The following DCAF6 variants were observed in gnomAD, a reference collection of about 807,000 sequenced individuals.
DCAF6 encodes the protein DDB1 and CUL4 associated factor 6.
In DCAF6, 54 loss-of-function variants were observed where a neutral mutation model predicts 125.1. That is an observed-to-expected ratio of 0.43 (90% confidence interval 0.35 to 0.54). The LOEUF is 0.54. Ranked by LOEUF, DCAF6 falls within the 20% of genes least tolerant of loss-of-function variation. DCAF6 has a pLI of 0.01. For missense variants in DCAF6, 934 were observed against 1,161.7 expected (o/e 0.80, Z 2.85); for synonymous variants, 371 against 390.4 (o/e 0.95, Z 0.58).
chr1:167,883,701 A>C, the DCAF6 span: 2 of 1,401,050 alleles, frequency 1.4e-6, no homozygotes, highest in Non-Finnish European at 2.0e-6. Flanking sequence ...CCCCCACCTC[A>C]TACCCGAAAT....
chr1:167,940,638 G>A (rs1423192773), intron 1 of DCAF6, among the ~76,000 whole-genome samples: 1 of 151,912 alleles, frequency 6.6e-6, no homozygotes, highest in East Asian at 1.9e-4. Context: ...TGATTTATTA[G>A]CCACACAGAT....
At chr1:167,955,910 T>G (rs1046920946) in intron 2 of DCAF6, among the ~76,000 whole-genome samples, 5 of 152,056 alleles carry the variant, frequency 3.3e-5, no homozygotes, top group African/African-American at 1.2e-4. Flanking sequence ...CATAGGTGCA[T>G]GCCACCACCC....
chr1:167,883,777 G>A, the DCAF6 span: 1 of 756,728 alleles, frequency 1.3e-6, no homozygotes, highest in Non-Finnish European at 2.3e-6. Context: ...TGCCTGAAGT[G>A]GAGCAGATGG....
In DCAF6 at chr1:168,004,514, C is replaced by T. The variant is rs1372961858; in HGVS notation, c.1118-19C>T. On this transcript the variant is annotated intron_variant, in intron 9 of 21. Transcript: ENST00000367840. ...GAAAATATTTAAAATTTGAATTTGC[C>T]TTAACATGTGTTTTGAAGGTGGAAC... 1 of 1,609,968 alleles carries T rather than the reference C, an allele frequency of 6.2e-7. No individual in the cohort carries two copies.
chr1:167,976,583 C>T (rs1485061446), intron 4 of DCAF6, among the ~76,000 whole-genome samples: 1 of 152,112 alleles, frequency 6.6e-6, no homozygotes, highest in Non-Finnish European at 1.5e-5. Flanking sequence ...TTTTGTTATT[C>T]TGGAGGTTAC....
the DCAF6 span, among the ~76,000 whole-genome samples, chr1:167,875,547 G>A: frequency 6.6e-6 from 1 of 152,170 alleles, no homozygotes; most frequent in African/African-American, 2.4e-5. Context: ...TCCACCAATT[G>A]CTCAAACAAT....
the DCAF6 span, chr1:167,904,783 C>T: frequency 1.5e-6 from 1 of 655,980 alleles, no homozygotes; most frequent in South Asian, 1.8e-5. Flanking sequence ...AAAGATATGC[C>T]TATGACTGGC....
At chr1:167,979,769 C>T (rs1678822807) in intron 4 of DCAF6, among the ~76,000 whole-genome samples, 1 of 152,168 alleles carries the variant, frequency 6.6e-6, no homozygotes, top group Non-Finnish European at 1.5e-5. Context: ...TGCCTGTAGT[C>T]CCAGCTACTC....
intron 12 of DCAF6, among the ~76,000 whole-genome samples, chr1:168,024,696 C>A (rs561077381): frequency 1.3e-5 from 2 of 151,350 alleles, no homozygotes; most frequent in South Asian, 4.2e-4. Flanking sequence ...CCTAGCTACT[C>A]AGGAGGCTGA....
At chr1:168,058,687 G>A (rs1691208774) in intron 17 of DCAF6, among the ~76,000 whole-genome samples, 1 of 152,174 alleles carries the variant, frequency 6.6e-6, no homozygotes, top group Non-Finnish European at 1.5e-5. Context: ...TCCTGCCTTA[G>A]CCTCCCAGGT....
intron 12 of DCAF6, among the ~76,000 whole-genome samples, chr1:168,031,511 G>A (rs537419989): frequency 2.0e-5 from 3 of 152,066 alleles, no homozygotes; most frequent in South Asian, 2.1e-4. Flanking sequence ...AGCAGGAGAC[G>A]AAAAAATGGA....
At chr1:167,876,727 A>C in the DCAF6 span, among the ~76,000 whole-genome samples, 1 of 152,354 alleles carries the variant, frequency 6.6e-6, no homozygotes, top group Non-Finnish European at 1.5e-5. Context: ...TAATGGCCCC[A>C]GTACCTGTAT....
the DCAF6 span, among the ~76,000 whole-genome samples, chr1:167,902,573 G>A: frequency 1.0e-3 from 153 of 152,252 alleles, 1 homozygote; most frequent in African/African-American, 3.5e-3. Flanking sequence ...TTTTAGTTAC[G>A]CATCATCATG....
intron 7 of DCAF6, among the ~76,000 whole-genome samples, chr1:167,999,363 C>T (rs1250372499): frequency 1.3e-5 from 2 of 152,112 alleles, no homozygotes; most frequent in Non-Finnish European, 2.9e-5. Flanking sequence ...TGAGCATTGG[C>T]TTCTGCTTAA....
intron 21 of DCAF6, among the ~76,000 whole-genome samples, chr1:168,071,292 C>G (rs962657071): frequency 6.6e-6 from 1 of 152,082 alleles, no homozygotes; most frequent in Non-Finnish European, 1.5e-5. Context: ...AGGTATGGCA[C>G]TTATAATAAA....
At chr1:168,049,198 A>G (rs1450983153) in intron 16 of DCAF6, among the ~76,000 whole-genome samples, 1 of 152,190 alleles carries the variant, frequency 6.6e-6, no homozygotes, top group Non-Finnish European at 1.5e-5. Context: ...AAGCAAAAAA[A>G]TAGTATGTGT....
At chr1:168,022,234 G>A (rs1298369920) in intron 11 of DCAF6, among the ~76,000 whole-genome samples, 2 of 152,084 alleles carry the variant, frequency 1.3e-5, no homozygotes, top group South Asian at 2.1e-4. Flanking sequence ...AGTAGAAACC[G>A]CTTATAAAGT....
the DCAF6 span, among the ~76,000 whole-genome samples, chr1:167,923,998 A>G: frequency 6.6e-6 from 1 of 152,240 alleles, no homozygotes; most frequent in Non-Finnish European, 1.5e-5. Context: ...TAAGAAAGAA[A>G]ACTTTGGGGA....
At position 168,047,692 on chromosome 1, in the gene DCAF6, T is replaced by TTA. The variant is rs961535016; in HGVS notation, c.2258+2475_2258+2476dup. Among the ~76,000 whole-genome samples the TTA allele has an allele frequency of 4.0e-4, 61 of 151,756 alleles. 1 individual carries two copies. The highest frequency in any genetic ancestry group is 2.8e-4 in the Non-Finnish European group (19 of 67,904). ...ATTTAATATATGAAAGTAAATACAA[T>TTA]TATATATATATGTGTGTGTGTGTAT... On this transcript the variant is annotated intron_variant, in intron 16 of 21. Transcript: ENST00000367840.
Sources: allele counts gnomAD v4.1 joint callset (sites outside exome capture counted in the v4.1 genomes callset), GRCh38; gene constraint gnomAD v4.1.1; transcripts MANE v1.5; gene names NCBI Gene and HGNC (gene_info 2026-07-23, HGNC 2026-07-21).